Variants in FOXP1 observed in about 807,000 individuals in gnomAD.
The protein encoded by FOXP1 is forkhead box protein P1.
FOXP1 carries 15 observed loss-of-function variants against 98.2 expected under a neutral mutation model. The ratio of observed to expected loss-of-function variants is 0.15; its 90% CI spans 0.10 to 0.24. The LOEUF (loss-of-function observed/expected upper bound fraction) is 0.24. Among genes scored for constraint, FOXP1 ranks in the 10% least tolerant of loss-of-function variants. The probability of loss-of-function intolerance (pLI) is 1.00; values close to 1 mark genes in which losing one functional copy is unlikely to be tolerated. For synonymous variants in FOXP1, 371 were observed against 314.5 expected (o/e 1.18, Z -1.90); for missense variants, 633 against 848.5 (o/e 0.75, Z 3.15).
chr3:71,389,243 GGGGGGGGGGC>G (rs1360507640), intron 3 of FOXP1, among the ~76,000 whole-genome samples: 2 of 56,962 alleles, frequency 3.5e-5, no homozygotes, highest in Admixed American at 1.6e-4. Flanking sequence ...AGCGGCGGGG[GGGGGGGGGGC>G]CGGGGGGGGC....
At chr3:71,354,328 C>T (rs1315764874) in intron 4 of FOXP1, among the ~76,000 whole-genome samples, 3 of 151,836 alleles carry the variant, frequency 2.0e-5, no homozygotes, top group African/African-American at 7.3e-5. Flanking sequence ...TTTAAGATGC[C>T]CTCTATTGCA....
chr3:71,296,750 G>T (rs1287568313), intron 5 of FOXP1, among the ~76,000 whole-genome samples: 1 of 152,176 alleles, frequency 6.6e-6, no homozygotes, highest in Non-Finnish European at 1.5e-5. Context: ...GCCAATAGAA[G>T]GTGTTTGGAT....
intron 7 of FOXP1, among the ~76,000 whole-genome samples, chr3:71,077,583 G>C (rs914907270): frequency 6.6e-6 from 1 of 152,082 alleles, no homozygotes; most frequent in Non-Finnish European, 1.5e-5. Context: ...TAAATTTGGG[G>C]TGTTCCCACT....
intron 20 of FOXP1, among the ~76,000 whole-genome samples, chr3:70,963,674 A>C (rs757700899): frequency 2.4e-4 from 37 of 152,220 alleles, no homozygotes; most frequent in Non-Finnish European, 4.1e-4. Context: ...AAGAGTTTTA[A>C]AATAAAGCTG....
chr3:71,047,211 G>A, intron 9 of FOXP1, 116 bp from the exon 10 acceptor site: 1 of 1,192,980 alleles, frequency 8.4e-7, no homozygotes, highest in Non-Finnish European at 1.2e-6. Flanking sequence ...CTGGAGCTCA[G>A]TGGAGGGCTC....
intron 6 of FOXP1, among the ~76,000 whole-genome samples, chr3:71,160,032 A>T (rs1224832232): frequency 6.6e-6 from 1 of 152,240 alleles, no homozygotes; most frequent in Non-Finnish European, 1.5e-5. Context: ...AAGAAGAGGC[A>T]TTTACTGCAG....
At chr3:71,105,011 T>C (rs532506421) in intron 7 of FOXP1, among the ~76,000 whole-genome samples, 1 of 152,352 alleles carries the variant, frequency 6.6e-6, no homozygotes. Flanking sequence ...GCCTCATACC[T>C]ACAACCAATC....
intron 4 of FOXP1, among the ~76,000 whole-genome samples, chr3:71,318,811 A>G (rs1422121404): frequency 2.0e-5 from 3 of 152,200 alleles, no homozygotes; most frequent in Non-Finnish European, 4.4e-5. Flanking sequence ...GGAAGATGTC[A>G]AGGTCCTGGT....
intron 6 of FOXP1, among the ~76,000 whole-genome samples, chr3:71,137,636 T>C (rs568885406): frequency 3.3e-5 from 5 of 152,246 alleles, no homozygotes; most frequent in South Asian, 2.1e-4. Flanking sequence ...GCTCCTCCGA[T>C]GTCCAATGCC....
At chr3:70,959,650 G>T (rs1239777255) in intron 20 of FOXP1, among the ~76,000 whole-genome samples, 13 of 152,212 alleles carry the variant, frequency 8.5e-5, no homozygotes, top group Admixed American at 8.5e-4. Context: ...GGCCAGCACA[G>T]AGACAGACGG....
intron 6 of FOXP1, among the ~76,000 whole-genome samples, chr3:71,135,470 G>A (rs2059780909): frequency 6.6e-6 from 1 of 152,072 alleles, no homozygotes; most frequent in Non-Finnish European, 1.5e-5. Context: ...CCCTTTGAAA[G>A]TTCTAAGCGG....
At chr3:71,042,766 C>A (rs2048523018) in intron 10 of FOXP1, among the ~76,000 whole-genome samples, 1 of 152,148 alleles carries the variant, frequency 6.6e-6, no homozygotes, top group Non-Finnish European at 1.5e-5. Context: ...GCATTATATT[C>A]ATTTGAAACA....
intron 20 of FOXP1, among the ~76,000 whole-genome samples, chr3:70,960,260 CACA>C (rs1463288549): frequency 6.6e-6 from 1 of 152,194 alleles, no homozygotes; most frequent in African/African-American, 2.4e-5. Context: ...GCTCGCTCAA[CACA>C]ACAATATGAT....
chr3:71,380,428 C>T (rs953139875), intron 3 of FOXP1, among the ~76,000 whole-genome samples: 3 of 152,214 alleles, frequency 2.0e-5, no homozygotes, highest in Non-Finnish European at 2.9e-5. Flanking sequence ...CCAAGAGGCT[C>T]AGCATGAGCC....
chr3:71,408,161 G>T lies in FOXP1; in HGVS notation c.-167-48917C>A, dbSNP rs533450785. On this transcript the variant is annotated intron_variant, in intron 3 of 20. Transcript: ENST00000649528. ...ATTATCAGAACCTTTCTTCAGGGGG[G>T]TTTGCAACTCGAAGACTTTTAATTT... Among the ~76,000 whole-genome samples the T allele has an allele frequency of 1.8e-4, 28 of 152,304 alleles. 1 individual carries two copies. The highest frequency in any genetic ancestry group is 1.7e-3 in the South Asian group (8 of 4,824).
At chr3:71,020,573 A>G (rs918826863) in intron 11 of FOXP1, among the ~76,000 whole-genome samples, 1 of 152,200 alleles carries the variant, frequency 6.6e-6, no homozygotes, top group Non-Finnish European at 1.5e-5. Context: ...TGATCCTTAC[A>G]CTGTTAGTCC....
At chr3:71,240,605 C>T (rs769770471) in intron 5 of FOXP1, among the ~76,000 whole-genome samples, 1 of 151,902 alleles carries the variant, frequency 6.6e-6, no homozygotes, top group African/African-American at 2.4e-5. Context: ...TGTAGTGGCG[C>T]GATCTCGGCT....
intron 6 of FOXP1, among the ~76,000 whole-genome samples, chr3:71,195,081 T>C (rs2063220153): frequency 6.6e-6 from 1 of 152,202 alleles, no homozygotes; most frequent in South Asian, 2.1e-4. Flanking sequence ...CTCCCAACAA[T>C]TGTTGCCGTT....
intron 17 of FOXP1, among the ~76,000 whole-genome samples, chr3:70,976,220 CA>C (rs2037486740): frequency 6.6e-6 from 1 of 151,734 alleles, no homozygotes. Flanking sequence ...CTGGCTAATT[CA>C]TTGAATTTTT....
Sources: allele counts gnomAD v4.1 joint callset (sites outside exome capture counted in the v4.1 genomes callset), GRCh38; gene constraint gnomAD v4.1.1; transcripts MANE v1.5; gene names NCBI Gene and HGNC (gene_info 2026-07-23, HGNC 2026-07-21).